Variants in REXO1 observed in about 807,000 individuals in gnomAD.
The protein encoded by REXO1 is RNA exonuclease 1 homolog, also known as REX1, RNA exonuclease 1 homolog.
In REXO1, 42 loss-of-function variants were observed where a neutral mutation model predicts 102.6. The observed-to-expected ratio is 0.41, with a 90% CI of 0.32 to 0.53. The LOEUF is 0.53. REXO1 is among the 20% of genes least tolerant of loss of function. REXO1 has a pLI of 0.27. For missense variants in REXO1, 1,819 were observed against 1,732.5 expected (o/e 1.05, Z -0.89); for synonymous variants, 908 against 779.1 (o/e 1.17, Z -2.76).
At chr19:1,836,805 C>T (rs577026541) in intron 1 of REXO1, among the ~76,000 whole-genome samples, 3 of 151,630 alleles carry the variant, frequency 2.0e-5, no homozygotes, top group South Asian at 2.1e-4. Flanking sequence ...GGACACCGTT[C>T]GGTGGGCCCG....
rs763606913 is a variant in REXO1, at chr19:1,827,508, T to C, written c.1281A>G (p.Ala427=). ...GPQASSPRRK[A]ERPEGTKKKP... ...TCTTCTTGGTCCCTTCCGGCCGCTC[T>C]GCCTTGCGCCGGGGGCTGCTGGCCT... The change falls in exon 2 of 16, where the codon GCA becomes GCG. Residue 427 remains alanine (A), a synonymous_variant. Coordinates refer to ENST00000170168, the MANE Select transcript of REXO1 (RefSeq NM_020695.4). The C allele has an allele frequency of 1.3e-6, 2 of 1,581,642 alleles. No homozygotes were observed. The highest frequency in any genetic ancestry group is 1.7e-6 in the Non-Finnish European group (2 of 1,173,276).
rs141758261 is a variant in REXO1 at position 1,826,603 on chromosome 19, G to A, written c.1911+275C>T. The stretch of plus-strand genomic sequence containing the variant: ...TGGGTGGGCCAATATCCCCCTGCCA[G>A]TCAGTGGGAACAGACCGTGTGCACG... On this transcript the variant is annotated intron_variant, in intron 2 of 15. Transcript: ENST00000170168. This position sits in a 1 kb window ranked among gnomAD's most constrained non-coding sequence, Gnocchi z 4.3. 3.5e-3 allele frequency among the ~76,000 whole-genome samples: 533 copies of A among 152,176 alleles called. 2 individuals carry two copies. Among genetic ancestry groups the A allele is most frequent in the Middle Eastern group, 6.8e-3 (2 of 294 alleles).
rs1055096787 is a variant in REXO1 at position 1,820,407 on chromosome 19, G to C, written c.2395-12C>G. On this transcript the variant is annotated splice_polypyrimidine_tract_variant and intron_variant, in intron 5 of 15. Coordinates refer to ENST00000170168, the MANE Select transcript of REXO1 (RefSeq NM_020695.4). ...GGTTTCTTTAAACTCTAGAGGGAAGGCAAAAGCTGCCATGGGTGAGGGCCT... is the reference window on the plus strand; with the variant it reads ...GGTTTCTTTAAACTCTAGAGGGAAGCCAAAAGCTGCCATGGGTGAGGGCCT... The C allele has an allele frequency of 6.2e-7, 1 of 1,611,786 alleles. No individual in the cohort carries two copies. Among genetic ancestry groups the C allele is most frequent in the Non-Finnish European group, 8.5e-7 (1 of 1,179,192 alleles).
In REXO1 at chr19:1,820,211, C is replaced by T. The variant is rs927196146; in HGVS notation, c.2526+53G>A. The T allele has an allele frequency of 5.0e-6, 8 of 1,585,082 alleles. No individual in the cohort carries two copies. In the African/African-American group the frequency reaches 1.1e-4, roughly 22 times the overall value. ...AGGCCGGGGGATGTCTGGGGACCAC[C>T]CTGGACCCCTAGTCCCCACCCGACC... On this transcript the variant is annotated intron_variant, in intron 6 of 15. Transcript: ENST00000170168.
Position 1,823,123 on chromosome 19 carries a change from A to T in REXO1, c.2230+449T>A, listed in dbSNP as rs182193368. On this transcript the variant is annotated intron_variant, in intron 4 of 15. Coordinates refer to ENST00000170168, the MANE Select transcript of REXO1 (RefSeq NM_020695.4). ...TTCTACAAGACCCTGCTGGGGGGGA[A>T]GTGCCCCTCGGAGTAAAGGAAATAC... is the stretch of plus-strand genomic sequence containing the variant. 2.6e-3 allele frequency: 412 copies of T among 161,230 alleles called. 2 individuals are homozygous for T. The highest frequency in any genetic ancestry group is 9.0e-3 in the African/African-American group (379 of 41,950). 10.0% of individuals were successfully genotyped at this position (161,230 alleles called of 1,614,324 possible). A position where few individuals can be genotyped will look rare whatever the true frequency, so the allele number is the denominator to read the frequency against.
chr19:1,838,385 G>T (rs944358301), intron 1 of REXO1, among the ~76,000 whole-genome samples: 2 of 151,452 alleles, frequency 1.3e-5, no homozygotes, highest in African/African-American at 4.9e-5. Flanking sequence ...TTGGAAAGTC[G>T]AAGCGGGCGG....
At chr19:1,842,201 C>T (rs1454044366) in intron 1 of REXO1, among the ~76,000 whole-genome samples, 1 of 145,042 alleles carries the variant, frequency 6.9e-6, no homozygotes, top group Non-Finnish European at 1.5e-5. Context: ...ACGACAGAGC[C>T]AGATTCCGTT....
chr19:1,820,346 G>T lies in REXO1; in HGVS notation c.2444C>A (p.Thr815Asn), dbSNP rs764177816. The T allele has an allele frequency of 4.3e-6, 7 of 1,613,890 alleles. No homozygotes were observed. Among genetic ancestry groups the T allele is most frequent in the Non-Finnish European group, 5.9e-6 (7 of 1,179,984 alleles). The change falls in exon 6 of 16, where the codon ACC becomes AAC. Residue 815 changes from threonine (T) to asparagine (N), a missense_variant. Thr to Asn is a moderately conservative substitution (Grantham distance 65, BLOSUM62 0). Coordinates refer to ENST00000170168, the MANE Select transcript of REXO1 (RefSeq NM_020695.4). Reference protein sequence around the residue: ...IPKEFGGKVPTVIRQRYLNLF... With the variant: ...IPKEFGGKVPNVIRQRYLNLF... ...GTTGAGATAGCGCTGGCGGATGACG[G>T]TGGGGACTTTGCCCCCAAACTCTTT...
chr19:1,832,312 C>G (rs1318423395), intron 1 of REXO1, among the ~76,000 whole-genome samples: 1 of 152,226 alleles, frequency 6.6e-6, no homozygotes, highest in Non-Finnish European at 1.5e-5. Flanking sequence ...GACTTCCCAG[C>G]CCAGCGCTGA....
In REXO1 at chr19:1,823,648, C is replaced by T; in HGVS notation, c.2154G>A (p.Lys718=). 7.7e-7 allele frequency: 1 copy of T among 1,303,022 alleles called. No individual in the cohort carries two copies. The highest frequency in any genetic ancestry group is 9.8e-7 in the Non-Finnish European group (1 of 1,017,492). The allele number at this position is 1,303,022 out of a possible 1,614,324, so 80.7% of individuals were successfully genotyped here. The part of the protein sequence containing the change: ...LLQAPARLAE[K]SPSVHISAPG... ...GGGCGGAAATGTGGACGGAGGGCGA[C>T]TTCTCTGCCAGCCTGGCGGGGGCCT... The change falls in exon 4 of 16, where the codon AAG becomes AAA. Residue 718 remains lysine, a synonymous_variant. Transcript: ENST00000170168.
chr19:1,821,903 C>T (rs899756481), intron 4 of REXO1: 7 of 579,506 alleles, frequency 1.2e-5, no homozygotes, highest in East Asian at 6.1e-5. Context: ...CTGCGGAGGC[C>T]GCTGAGGACA....
intron 1 of REXO1, among the ~76,000 whole-genome samples, chr19:1,834,027 C>T (rs1480370350): frequency 3.3e-5 from 5 of 152,138 alleles, no homozygotes; most frequent in African/African-American, 9.7e-5. Context: ...CCCAGGAGGG[C>T]AGGCGGGGGT....
chr19:1,818,685 C>T (rs779168417), intron 9 of REXO1, 21 bp downstream of exon 9: 15 of 1,610,078 alleles, frequency 9.3e-6, no homozygotes, highest in East Asian at 6.7e-5. Context: ...CCACCTAGGC[C>T]GTCGCAGGCC....
chr19:1,826,806 G>C lies in REXO1; in HGVS notation c.1911+72C>G, dbSNP rs2069737483. 1 of 1,528,432 alleles carries C rather than the reference G, an allele frequency of 6.5e-7. No homozygotes were observed. The highest frequency in any genetic ancestry group is 8.8e-7 in the Non-Finnish European group (1 of 1,140,668). 94.7% of individuals were successfully genotyped at this position (1,528,432 alleles called of 1,614,324 possible). ...TCCGAGCCAACTGGAAACCACTCCA[G>C]ATAGAAGGTCTCTCACCAGGCCCTC... On this transcript the variant is annotated intron_variant, in intron 2 of 15. Coordinates refer to ENST00000170168, the MANE Select transcript of REXO1 (RefSeq NM_020695.4). The surrounding 1 kb of genome is among the most constrained non-coding windows in gnomAD (Gnocchi z 4.3).
At chr19:1,847,705 G>A (rs1480924089) in intron 1 of REXO1, among the ~76,000 whole-genome samples, 6 of 152,340 alleles carry the variant, frequency 3.9e-5, no homozygotes, top group Non-Finnish European at 1.5e-5. Context: ...AAACACAAGA[G>A]ACGATCCTCG....
intron 3 of REXO1, among the ~76,000 whole-genome samples, chr19:1,824,940 C>T (rs529414270): frequency 4.1e-4 from 63 of 152,090 alleles, no homozygotes; most frequent in Non-Finnish European, 7.7e-4. Flanking sequence ...TGCGTGCCAC[C>T]GCGCCCAGCT....
chr19:1,823,780 C>A lies in REXO1; in HGVS notation c.2022G>T (p.Glu674Asp). The A allele has an allele frequency of 8.1e-7, 1 of 1,238,226 alleles. No homozygotes were observed. The highest frequency in any genetic ancestry group is 1.0e-6 in the Non-Finnish European group (1 of 981,776). The allele number at this position is 1,238,226 out of a possible 1,614,324, so 76.7% of individuals were successfully genotyped here. Residue 674 changes from glutamate to aspartate, a missense_variant, in exon 4 of 16, where the codon GAG becomes GAT. Glu to Asp is a conservative substitution (Grantham distance 45). Transcript: ENST00000170168. The stretch of plus-strand genomic sequence containing the variant: ...GCACCGCGGGACCCCTCCTCGGGGG[C>A]TCCACCTGCGTCACCACAAATGCTA... The part of the protein sequence containing the change: ...SHLSKQGQEV[E>D]PPRRGPAVPP...
Position 1,820,286 on chromosome 19 carries a change from G to C in REXO1, c.2504C>G (p.Ser835Cys), listed in dbSNP as rs780672789. 6 of 1,613,516 alleles carry C rather than the reference G, an allele frequency of 3.7e-6. No homozygotes were observed. The highest frequency in any genetic ancestry group is 4.2e-6 in the Non-Finnish European group (5 of 1,179,872). ...CACCTTCTCTATGGCCTCCTGGTTG[G>C]AGGTACAGAACTTGAGACACTCCTC... ...FIEECLKFCT[S>C]NQEAIEKALN... The change falls in exon 6 of 16, where the codon TCC (serine) becomes TGC (cysteine). Residue 835 changes from serine to cysteine, a missense_variant. By Grantham distance (112) the Ser-to-Cys change is moderately radical (BLOSUM62 -1). Coordinates refer to ENST00000170168, the MANE Select transcript of REXO1 (RefSeq NM_020695.4).
chr19:1,843,645 G>T (rs745911192), intron 1 of REXO1, among the ~76,000 whole-genome samples: 3 of 152,208 alleles, frequency 2.0e-5, no homozygotes, highest in Admixed American at 6.5e-5. Context: ...CATACGCCCT[G>T]GTCAGGCCTG....
Sources: allele counts gnomAD v4.1 joint callset (sites outside exome capture counted in the v4.1 genomes callset), GRCh38; gene constraint gnomAD v4.1.1; non-coding constraint Gnocchi (gnomAD v3.1); transcripts MANE v1.5; gene names NCBI Gene and HGNC (gene_info 2026-07-23, HGNC 2026-07-21).